Variants in ASTN2 observed in about 807,000 individuals in gnomAD.
The protein encoded by ASTN2 is astrotactin-2.
A neutral mutation model predicts 139.8 loss-of-function variants in ASTN2; 54 were observed. That is an observed-to-expected ratio of 0.39 (90% confidence interval 0.31 to 0.48). The LOEUF is 0.48. ASTN2 is among the 20% of genes least tolerant of loss of function. ASTN2 has a pLI of 0.95. For synonymous variants in ASTN2, 756 were observed against 719.5 expected (o/e 1.05, Z -0.81); for missense variants, 1,565 against 1,725.1 (o/e 0.91, Z 1.64).
intron 1 of ASTN2, among the ~76,000 whole-genome samples, chr9:117,371,169 C>A (rs1829980610): frequency 6.6e-6 from 1 of 152,068 alleles, no homozygotes; most frequent in African/African-American, 2.4e-5. Context: ...CCATAACAAT[C>A]CTAAGGGAGG....
chr9:116,607,578 A>C (rs1290329024), intron 19 of ASTN2, among the ~76,000 whole-genome samples: 1 of 152,002 alleles, frequency 6.6e-6, no homozygotes, highest in Non-Finnish European at 1.5e-5. Context: ...TTTCCTGGAA[A>C]ATAAAGAAGA....
chr9:116,863,917 T>C (rs1208771842), intron 10 of ASTN2, among the ~76,000 whole-genome samples, 184 bp from the exon 11 acceptor site: 1 of 152,136 alleles, frequency 6.6e-6, no homozygotes, highest in Non-Finnish European at 1.5e-5. Context: ...GCTTGTCAAG[T>C]TGTGATACAG....
intron 19 of ASTN2, among the ~76,000 whole-genome samples, chr9:116,497,433 C>T (rs1251422888): frequency 6.6e-6 from 1 of 152,210 alleles, no homozygotes; most frequent in Non-Finnish European, 1.5e-5. Context: ...AACAAAACCT[C>T]TTCCCTGTGA....
At chr9:117,303,155 C>T (rs555691078) in intron 1 of ASTN2, among the ~76,000 whole-genome samples, 1 of 152,302 alleles carries the variant, frequency 6.6e-6, no homozygotes, top group East Asian at 1.9e-4. Flanking sequence ...CCCTAATTCT[C>T]ATGACTTTTG....
chr9:116,706,760 A>ATTTTT (rs60395133), intron 16 of ASTN2, among the ~76,000 whole-genome samples: 34 of 88,040 alleles, frequency 3.9e-4, no homozygotes, highest in East Asian at 6.1e-4. Flanking sequence ...GCTGGCTAGA[A>ATTTTT]TTTTTTTTTT....
intron 3 of ASTN2, among the ~76,000 whole-genome samples, chr9:117,166,611 A>G: frequency 6.6e-6 from 1 of 152,040 alleles, no homozygotes; most frequent in East Asian, 1.9e-4. Flanking sequence ...CACTTCAAAT[A>G]CTTCCTATTC....
intron 20 of ASTN2, among the ~76,000 whole-genome samples, chr9:116,471,623 T>C (rs1848817649): frequency 6.6e-6 from 1 of 151,872 alleles, no homozygotes; most frequent in Non-Finnish European, 1.5e-5. Flanking sequence ...GAGGGGGGAA[T>C]TCATATGAAT....
rs144400119 is a variant in ASTN2, at chr9:116,862,337, C to T, written c.2040+1246G>A. On this transcript the variant is annotated intron_variant, in intron 11 of 22. Transcript: ENST00000313400. Reference sequence around the variant, plus strand: ...GATGGGTACTTCTGGGGTGTTGAGCCGAATCAACAGATTCCCTGGGTTCTC... The same window carrying T: ...GATGGGTACTTCTGGGGTGTTGAGCTGAATCAACAGATTCCCTGGGTTCTC... 1.3e-3 allele frequency among the ~76,000 whole-genome samples: 195 copies of T among 152,056 alleles called. 1 individual carries two copies. The highest frequency in any genetic ancestry group is 4.5e-3 in the African/African-American group (188 of 41,474).
At chr9:116,877,219 T>G (rs1833326498) in intron 10 of ASTN2, among the ~76,000 whole-genome samples, 1 of 152,186 alleles carries the variant, frequency 6.6e-6, no homozygotes, top group Admixed American at 6.5e-5. Flanking sequence ...CTTCCCTCCT[T>G]TGTTAGGTGT....
intron 2 of ASTN2, among the ~76,000 whole-genome samples, chr9:117,264,410 A>G (rs1054445959): frequency 2.6e-5 from 4 of 152,188 alleles, no homozygotes; most frequent in African/African-American, 9.7e-5. Flanking sequence ...AATTTCTCCA[A>G]ATATTAGCTT....
chr9:116,599,836 T>C (rs1854780441), intron 19 of ASTN2, among the ~76,000 whole-genome samples: 1 of 152,128 alleles, frequency 6.6e-6, no homozygotes, highest in Admixed American at 6.6e-5. Flanking sequence ...GGAAGGGACT[T>C]TACAACTGTA....
intron 19 of ASTN2, among the ~76,000 whole-genome samples, chr9:116,516,255 C>G (rs1334222771): frequency 1.3e-5 from 2 of 152,194 alleles, no homozygotes; most frequent in Non-Finnish European, 2.9e-5. Flanking sequence ...TCAGAGAGCT[C>G]AGGATATAGG....
rs1315149342 is a variant in ASTN2 at position 116,423,238 on chromosome 9, T to C, written c.*2613A>G. ...CTCCATCAGGAGAAAAAATAAAAAATAAAATAAAAACACTATACATTGCAT... is the reference window on the plus strand; with the variant it reads ...CTCCATCAGGAGAAAAAATAAAAAACAAAATAAAAACACTATACATTGCAT... On this transcript the variant is annotated 3_prime_UTR_variant, in exon 23 of 23. Transcript: ENST00000313400. Among the ~76,000 whole-genome samples the C allele has an allele frequency of 3.9e-5, 6 of 152,064 alleles. No homozygotes were observed. The highest frequency in any genetic ancestry group is 1.4e-4 in the African/African-American group (6 of 41,416).
intron 1 of ASTN2, among the ~76,000 whole-genome samples, chr9:117,401,871 G>A (rs1279139114): frequency 6.6e-6 from 1 of 152,116 alleles, no homozygotes; most frequent in African/African-American, 2.4e-5. Context: ...ATAGTCTTAT[G>A]AGCTGAACAA....
At chr9:117,141,846 C>T (rs769782993) in intron 3 of ASTN2, among the ~76,000 whole-genome samples, 7 of 152,054 alleles carry the variant, frequency 4.6e-5, no homozygotes, top group Non-Finnish European at 1.0e-4. Context: ...AATATTTTTG[C>T]AATAGAAGAG....
chr9:117,264,594 T>C (rs1386842937), intron 2 of ASTN2, among the ~76,000 whole-genome samples: 1 of 152,094 alleles, frequency 6.6e-6, no homozygotes, highest in Non-Finnish European at 1.5e-5. Context: ...TACTTCCGAA[T>C]ATACAAGAGG....
At chr9:117,176,451 A>C (rs889034377) in intron 3 of ASTN2, among the ~76,000 whole-genome samples, 2 of 152,214 alleles carry the variant, frequency 1.3e-5, no homozygotes, top group African/African-American at 4.8e-5. Context: ...TATACCACAA[A>C]ATATTTGTAT....
At chr9:116,815,740 G>A (rs1831298141) in intron 12 of ASTN2, among the ~76,000 whole-genome samples, 1 of 141,302 alleles carries the variant, frequency 7.1e-6, no homozygotes, top group Non-Finnish European at 1.5e-5. Context: ...GGGAGGCGGA[G>A]CTTGTAGTGA....
In ASTN2 at chr9:116,700,782, G is replaced by A. The variant is rs572074758; in HGVS notation, c.2806+24989C>T. 8.0e-4 allele frequency: 133 copies of A among 166,808 alleles called. 2 individuals carry two copies. The highest frequency in any genetic ancestry group is 3.4e-4 in the Non-Finnish European group (23 of 68,108). 10.3% of individuals were successfully genotyped at this position (166,808 alleles called of 1,614,324 possible). A position where few individuals can be genotyped will look rare whatever the true frequency, so the allele number is the denominator to read the frequency against. ...GTGTTCATGTCTTTTAATTAAATACGGAATTTTGGAGATGATAAGAGGGAT... is the reference window on the plus strand; with the variant it reads ...GTGTTCATGTCTTTTAATTAAATACAGAATTTTGGAGATGATAAGAGGGAT... On this transcript the variant is annotated intron_variant, in intron 16 of 22. Transcript: ENST00000313400.
Sources: allele counts gnomAD v4.1 joint callset (sites outside exome capture counted in the v4.1 genomes callset), GRCh38; gene constraint gnomAD v4.1.1; transcripts MANE v1.5; gene names NCBI Gene and HGNC (gene_info 2026-07-23, HGNC 2026-07-21).